The following PCDH15 variants were observed in gnomAD, a reference collection of about 807,000 sequenced individuals.
PCDH15 encodes the protein protocadherin-15.
A neutral mutation model predicts 178.5 loss-of-function variants in PCDH15; 129 were observed. The observed-to-expected ratio is 0.72, with a 90% CI of 0.63 to 0.84. The LOEUF is 0.84. PCDH15 is among the 40% of genes least tolerant of loss of function. The pLI, the probability that PCDH15 is intolerant of heterozygous loss-of-function variation, is 0.00. For missense variants in PCDH15, 2,230 were observed against 2,099.9 expected (o/e 1.06, Z -1.21); for synonymous variants, 800 against 732.0 (o/e 1.09, Z -1.50).
intron 2 of PCDH15, among the ~76,000 whole-genome samples, chr10:55,483,658 T>C (rs1840233125): frequency 6.6e-6 from 1 of 151,432 alleles, no homozygotes; most frequent in Admixed American, 6.6e-5. Context: ...TAAATTATCC[T>C]ATTATAAAGA....
At chr10:53,992,500 G>A (rs2134838033) in intron 21 of PCDH15, among the ~76,000 whole-genome samples, 1 of 152,298 alleles carries the variant, frequency 6.6e-6, no homozygotes, top group South Asian at 2.1e-4. Context: ...TGGAGATGAA[G>A]TGAAGATGAA....
At chr10:55,068,645 C>T (rs1841629900) in intron 2 of PCDH15, among the ~76,000 whole-genome samples, 1 of 151,860 alleles carries the variant, frequency 6.6e-6, no homozygotes, top group South Asian at 2.1e-4. Flanking sequence ...GTGCTATTTT[C>T]ATAGGGATTA....
At chr10:54,453,659 A>C (rs2076624951) in intron 3 of PCDH15, among the ~76,000 whole-genome samples, 1 of 150,486 alleles carries the variant, frequency 6.6e-6, no homozygotes, top group Admixed American at 6.6e-5. Context: ...TATAATTTTA[A>C]AAAAAAGAAA....
chr10:55,610,421 T>C lies in PCDH15; in HGVS notation c.-156+17204A>G, dbSNP rs1843343221. On this transcript the variant is annotated intron_variant, in intron 2 of 5. Transcript: ENST00000613346. ...AAGGAGACAAAGCTATTCTAATGAC[T>C]TAGCTTTGCTTTGACTCATTGGTTT... Among the ~76,000 whole-genome samples the C allele has an allele frequency of 2.6e-5, 4 of 152,094 alleles. No individual in the cohort carries two copies. In the East Asian group the frequency reaches 7.7e-4, roughly 29 times the overall value.
intron 3 of PCDH15, among the ~76,000 whole-genome samples, chr10:54,815,377 G>C (rs1952932334): frequency 6.6e-6 from 1 of 152,036 alleles, no homozygotes. Flanking sequence ...TAAGAGAAAT[G>C]TAAACAAATG....
In PCDH15 at chr10:53,995,655, G is replaced by T. The variant is rs2091798940; in HGVS notation, c.2862C>A (p.Asp954Glu). The change falls in exon 21 of 38, where the codon GAC becomes GAA. Residue 954 changes from aspartate to glutamate, a missense_variant. Physicochemically the swap from Asp to Glu is conservative, Grantham distance 45 (BLOSUM62 2). Transcript: ENST00000644397. ...PITTVYAEDADPPGLPASRVR... is the reference protein window; with the variant it reads ...PITTVYAEDAEPPGLPASRVR... ...ATCAATGCCTTCTACTTACAGGAGG[G>T]TCTGCATCTTCAGCATAAACTGTTG... 1.9e-6 allele frequency: 3 copies of T among 1,613,902 alleles called. No individual in the cohort carries two copies. In the South Asian group the frequency reaches 3.3e-5, roughly 18 times the overall value.
chr10:54,989,731 C>T (rs1179535357), intron 2 of PCDH15, among the ~76,000 whole-genome samples: 1 of 152,026 alleles, frequency 6.6e-6, no homozygotes, highest in Non-Finnish European at 1.5e-5. Context: ...TGAGTTATAA[C>T]TTTGGGGGAA....
intron 3 of PCDH15, among the ~76,000 whole-genome samples, chr10:54,452,676 T>C (rs1306223054): frequency 2.0e-5 from 3 of 152,062 alleles, no homozygotes; most frequent in African/African-American, 7.2e-5. Flanking sequence ...CTTCAAACAC[T>C]TCTTGGATAG....
intron 1 of PCDH15, among the ~76,000 whole-genome samples, chr10:54,747,895 T>C (rs1945677514): frequency 6.8e-6 from 1 of 147,504 alleles, no homozygotes; most frequent in African/African-American, 2.5e-5. Flanking sequence ...AAGCTCCGCC[T>C]CCAGGGTTCA....
chr10:53,959,792 G>A lies in PCDH15; in HGVS notation c.3062C>T (p.Thr1021Ile). The change falls in exon 23 of 38, where the codon ACA becomes ATA. Residue 1021 changes from threonine to isoleucine, a missense_variant. Thr to Ile is a moderately conservative substitution (Grantham distance 89). Coordinates refer to ENST00000644397, the MANE Select transcript of PCDH15 (RefSeq NM_001384140.1). ...DGEPVMSSSA[T>I]VKILVLHPGE... ...AGGATGTAAGACAAGAATCTTCACT[G>A]TGGCACTGCTGGACATCACAGGCTC... 6.2e-7 allele frequency: 1 copy of A among 1,614,078 alleles called. No homozygotes were observed. Among genetic ancestry groups the A allele is most frequent in the Non-Finnish European group, 8.5e-7 (1 of 1,179,994 alleles).
chr10:55,009,244 G>A (rs930245493), intron 2 of PCDH15, among the ~76,000 whole-genome samples: 5 of 129,556 alleles, frequency 3.9e-5, no homozygotes, highest in Non-Finnish European at 5.2e-5. Flanking sequence ...TTAATTGCAC[G>A]CACAGATGTG....
chr10:53,917,428 TAAAA>T (rs903177744), intron 25 of PCDH15, among the ~76,000 whole-genome samples: 4 of 151,760 alleles, frequency 2.6e-5, no homozygotes, highest in African/African-American at 9.7e-5. Flanking sequence ...TTTGTTTAAA[TAAAA>T]AAAGATGAAT....
In PCDH15 at chr10:55,249,748, A is replaced by G. The variant is rs183673524; in HGVS notation, c.-156+69851T>C. On this transcript the variant is annotated intron_variant, in intron 1 of 5. Coordinates refer to the PCDH15 transcript ENST00000458638. ...TATGTTACACTTGGGAAAATAAAAT[A>G]AATATTGTCATGTAATTATATATGT... 9.8e-4 allele frequency among the ~76,000 whole-genome samples: 149 copies of G among 152,140 alleles called. 2 individuals carry two copies. The Middle Eastern group carries it at 0.02, about 21-fold the overall frequency.
chr10:54,100,802 T>G (rs1384750095), intron 15 of PCDH15, among the ~76,000 whole-genome samples: 1 of 152,038 alleles, frequency 6.6e-6, no homozygotes, highest in Non-Finnish European at 1.5e-5. Context: ...AGATAGTACA[T>G]CAAATTCCCG....
chr10:54,204,438 T>G (rs1453196723), intron 10 of PCDH15, among the ~76,000 whole-genome samples: 1 of 151,970 alleles, frequency 6.6e-6, no homozygotes, highest in Admixed American at 6.6e-5. Flanking sequence ...GTAAGGTGAT[T>G]AGTGACTAGG....
intron 1 of PCDH15, among the ~76,000 whole-genome samples, chr10:54,693,902 G>T (rs551430937): frequency 6.6e-6 from 1 of 152,004 alleles, no homozygotes; most frequent in African/African-American, 2.4e-5. Context: ...AAACCAAACC[G>T]AAACAAAAAA....
chr10:55,378,068 G>A (rs908437529), intron 2 of PCDH15, among the ~76,000 whole-genome samples: 1 of 152,066 alleles, frequency 6.6e-6, no homozygotes, highest in Admixed American at 6.6e-5. Context: ...GGGTTAGGGT[G>A]CTACGGGGAG....
intron 20 of PCDH15, among the ~76,000 whole-genome samples, chr10:53,998,330 G>GT (rs1333448290): frequency 1.3e-5 from 2 of 151,914 alleles, no homozygotes; most frequent in Non-Finnish European, 2.9e-5. Flanking sequence ...AAACCTTATG[G>GT]TTTTTTTCTT....
chr10:54,397,113 T>C (rs1370912625), intron 3 of PCDH15, among the ~76,000 whole-genome samples: 1 of 152,124 alleles, frequency 6.6e-6, no homozygotes, highest in Non-Finnish European at 1.5e-5. Flanking sequence ...CTTTTCTTCC[T>C]GACTGCATGT....
Sources: allele counts gnomAD v4.1 joint callset (sites outside exome capture counted in the v4.1 genomes callset), GRCh38; gene constraint gnomAD v4.1.1; transcripts MANE v1.5; gene names NCBI Gene and HGNC (gene_info 2026-07-23, HGNC 2026-07-21).